The following UPRT variants were observed in gnomAD, a reference collection of about 807,000 sequenced individuals.
UPRT encodes the protein RP11-311P8.3.
In UPRT, 5 loss-of-function variants were observed where a neutral mutation model predicts 22.6. The ratio of observed to expected loss-of-function variants is 0.22; its 90% confidence interval spans 0.12 to 0.47. The LOEUF is 0.47. Among genes scored for constraint, UPRT ranks in the 20% least tolerant of loss-of-function variants. UPRT has a pLI of 0.99. For synonymous variants in UPRT, 77 were observed against 87.7 expected (o/e 0.88, Z 0.68); for missense variants, 181 against 239.9 (o/e 0.75, Z 1.62).
At position 75,293,404 on chromosome X, in the gene UPRT, G is replaced by A; in HGVS notation, c.387-68G>A. Reference sequence around the variant, plus strand: ...TATAGGTCTTAATATCAGTGTTACTGTACATATTAAATAACATTTTGCCTT... The same window carrying A: ...TATAGGTCTTAATATCAGTGTTACTATACATATTAAATAACATTTTGCCTT... On this transcript the variant is annotated intron_variant, in intron 1 of 6. Transcript: ENST00000373383. The A allele has an allele frequency of 1.3e-5, 13 of 1,014,861 alleles. No individual in the cohort carries two copies. In the South Asian group the frequency reaches 2.9e-4, roughly 22 times the overall value. 83.6% of individuals were successfully genotyped at this position (1,014,861 alleles called of 1,213,427 possible).
intron 3 of UPRT, among the ~76,000 whole-genome samples, chrX:75,166,980 T>A (rs1335235663): frequency 8.9e-6 from 1 of 112,094 alleles, no homozygotes; most frequent in Non-Finnish European, 1.9e-5. Flanking sequence ...TTTGGGGTCA[T>A]CATGAATAAC....
chrX:75,287,915 G>A (rs747094580), intron 1 of UPRT, among the ~76,000 whole-genome samples: 59 of 110,906 alleles, frequency 5.3e-4, no homozygotes, highest in African/African-American at 1.8e-3. Context: ...AAACAAAATC[G>A]ATAGACCATT....
chrX:75,156,926 C>CACACACACAGAG (rs748263766), intron 1 of UPRT, among the ~76,000 whole-genome samples: 3 of 108,931 alleles, frequency 2.8e-5, no homozygotes, highest in African/African-American at 1.0e-4. Flanking sequence ...CACACACACA[C>CACACACACAGAG]AGAGAGACTA....
rs777671819 is a variant in UPRT, at chrX:75,293,523, G to A, written c.429+9G>A. The A allele has an allele frequency of 3.4e-6, 4 of 1,192,621 alleles. No homozygotes were observed. The highest frequency in any genetic ancestry group is 3.4e-6 in the Non-Finnish European group (3 of 888,376). On this transcript the variant is annotated intron_variant, in intron 2 of 6. Transcript: ENST00000373383. ...TTTCTGCGGATCGTTTGGTAGGTGGGGGCTTTTCATTTTCATTTCATTGTT... is the reference window on the plus strand; with the variant it reads ...TTTCTGCGGATCGTTTGGTAGGTGGAGGCTTTTCATTTTCATTTCATTGTT...
chrX:75,156,926 C>CACACAG (rs748263766), intron 1 of UPRT, among the ~76,000 whole-genome samples: 16 of 108,980 alleles, frequency 1.5e-4, no homozygotes, highest in African/African-American at 5.4e-4. Flanking sequence ...CACACACACA[C>CACACAG]AGAGAGACTA....
chrX:75,189,800 G>A (rs2082308397), intron 4 of UPRT, among the ~76,000 whole-genome samples: 1 of 111,313 alleles, frequency 9.0e-6, no homozygotes, highest in Non-Finnish European at 1.9e-5. Context: ...GACTAGTATT[G>A]CGACCCTTGC....
intron 4 of UPRT, among the ~76,000 whole-genome samples, chrX:75,238,153 G>C (rs939291082): frequency 9.0e-6 from 1 of 111,060 alleles, no homozygotes; most frequent in African/African-American, 3.3e-5. Flanking sequence ...AATGCAAATG[G>C]CCCTAAATGC....
intron 4 of UPRT, among the ~76,000 whole-genome samples, chrX:75,244,235 G>C (rs919872348): frequency 9.0e-6 from 1 of 110,835 alleles, no homozygotes; most frequent in Non-Finnish European, 1.9e-5. Flanking sequence ...CCAAAAACTG[G>C]GATATTCCTT....
upstream of UPRT, among the ~76,000 whole-genome samples, chrX:75,273,294 TA>T (rs1303059996): frequency 9.2e-6 from 1 of 108,996 alleles, no homozygotes; most frequent in Non-Finnish European, 1.9e-5. Flanking sequence ...TTAACCTATG[TA>T]ACAAACCTGC....
At chrX:75,162,231 C>T (rs772457221) in intron 2 of UPRT, among the ~76,000 whole-genome samples, 21 of 109,385 alleles carry the variant, frequency 1.9e-4, no homozygotes, top group African/African-American at 7.0e-4. Flanking sequence ...AGATTACAGG[C>T]GTGAGCCACC....
chrX:75,257,264 A>T (rs769776929), intron 4 of UPRT, among the ~76,000 whole-genome samples: 1 of 112,162 alleles, frequency 8.9e-6, no homozygotes, highest in East Asian at 2.8e-4. Flanking sequence ...TCAAAAACAA[A>T]AATCACATGA....
intron 4 of UPRT, among the ~76,000 whole-genome samples, chrX:75,267,342 C>T (rs1489716399): frequency 9.0e-6 from 1 of 111,410 alleles, no homozygotes; most frequent in Non-Finnish European, 1.9e-5. Context: ...AACCAAACAT[C>T]ATATGTTGTC....
At chrX:75,272,328 ATG>A (rs1392015059), upstream of UPRT, among the ~76,000 whole-genome samples, 3 of 95,731 alleles carry the variant, frequency 3.1e-5, no homozygotes, top group African/African-American at 8.1e-5. Context: ...ATACATATAT[ATG>A]TATATATATA....
chrX:75,245,266 T>TAAAAAAAAAAAAA (rs766688686), intron 4 of UPRT, among the ~76,000 whole-genome samples: 1 of 65,465 alleles, frequency 1.5e-5, no homozygotes. Context: ...TACTAAAAAG[T>TAAAAAAAAAAAAA]AAAAAAAAAA....
chrX:75,279,815 A>C (rs1202384233), intron 1 of UPRT, among the ~76,000 whole-genome samples: 1 of 110,104 alleles, frequency 9.1e-6, no homozygotes, highest in African/African-American at 3.3e-5. Context: ...TTTCCTCCCA[A>C]GTTGCTAAAG....
Position 75,186,631 on chromosome X carries a change from C to T in UPRT, c.-447+18752C>T, listed in dbSNP as rs764887671. Among the ~76,000 whole-genome samples the T allele has an allele frequency of 1.4e-3, 151 of 111,639 alleles. 1 individual carries two copies. Among genetic ancestry groups the T allele is most frequent in the East Asian group, 8.4e-4 (3 of 3,565 alleles). ...AATGTTGACAGTGGGGTGTTAAAAT[C>T]TCCCATTATTATTGTGTGGGAGTCT... is the stretch of plus-strand genomic sequence containing the variant. On this transcript the variant is annotated intron_variant, in intron 4 of 13. Transcript: ENST00000652605.
At position 75,253,181 on chromosome X, in the gene UPRT, T is replaced by G. The variant is rs180889336; in HGVS notation, c.-446-37843T>G. On this transcript the variant is annotated intron_variant, in intron 4 of 13. Coordinates refer to the UPRT transcript ENST00000652605. ...CGTTGTGCACATGTACCCTAATACT[T>G]AAAGTATAATAATAATAAAATTTAA... Among the ~76,000 whole-genome samples the G allele has an allele frequency of 2.8e-3, 310 of 111,358 alleles. 1 individual carries two copies. Among genetic ancestry groups the G allele is most frequent in the Non-Finnish European group, 5.3e-3 (279 of 53,040 alleles).
chrX:75,221,210 T>G (rs1199537637), intron 4 of UPRT, among the ~76,000 whole-genome samples: 3 of 101,255 alleles, frequency 3.0e-5, no homozygotes, highest in South Asian at 7.9e-4. Flanking sequence ...TTTTTGTTTG[T>G]TTTTTTTTTC....
intron 4 of UPRT, among the ~76,000 whole-genome samples, chrX:75,230,375 G>A (rs1398998005): frequency 2.7e-5 from 3 of 110,918 alleles, no homozygotes; most frequent in African/African-American, 9.9e-5. Context: ...GAGCTGTATG[G>A]CCCCACCCAT....
Sources: allele counts gnomAD v4.1 joint callset (sites outside exome capture counted in the v4.1 genomes callset), GRCh38; gene constraint gnomAD v4.1.1; transcripts MANE v1.5; gene names NCBI Gene and HGNC (gene_info 2026-07-23, HGNC 2026-07-21).